The following PCDH15 variants were observed in gnomAD, a reference collection of about 807,000 sequenced individuals.
PCDH15 encodes protocadherin-15.
A neutral mutation model predicts 178.5 loss-of-function variants in PCDH15; 129 were observed. The observed-to-expected ratio is 0.72, with a 90% CI of 0.63 to 0.84. The LOEUF is 0.84. Among genes scored for constraint, PCDH15 ranks in the 40% least tolerant of loss-of-function variants. PCDH15 has a pLI of 0.00. For missense variants in PCDH15, 2,230 were observed against 2,099.9 expected (o/e 1.06, Z -1.21); for synonymous variants, 800 against 732.0 (o/e 1.09, Z -1.50).
At chr10:54,388,660 G>T (rs1481016642) in intron 3 of PCDH15, among the ~76,000 whole-genome samples, 1 of 152,160 alleles carries the variant, frequency 6.6e-6, no homozygotes, top group Non-Finnish European at 1.5e-5. Flanking sequence ...ATTGGATTAA[G>T]CTGTGGTGTG....
chr10:54,202,490 TAAG>T, intron 10 of PCDH15, among the ~76,000 whole-genome samples: 2 of 152,150 alleles, frequency 1.3e-5, no homozygotes, highest in Admixed American at 1.3e-4. Flanking sequence ...CTGATGTACC[TAAG>T]AATAGAATGG....
intron 8 of PCDH15, among the ~76,000 whole-genome samples, chr10:54,259,978 G>A (rs1035881614): frequency 2.0e-5 from 3 of 152,066 alleles, no homozygotes; most frequent in Admixed American, 2.0e-4. Context: ...ATTTTCTGTG[G>A]TAGTAACAGG....
At position 55,454,621 on chromosome 10, in the gene PCDH15, C is replaced by CAAAA. The variant is rs35852490; in HGVS notation, c.-156+173000_-156+173003dup. On this transcript the variant is annotated intron_variant, in intron 2 of 5. Transcript: ENST00000613346. The stretch of plus-strand genomic sequence containing the variant: ...TGAAACCCCGTCTCTACTAAAAATG[C>CAAAA]AAAAAAAAAAAAAATTAGCCGGATG... 3.2e-3 allele frequency among the ~76,000 whole-genome samples: 446 copies of CAAAA among 137,582 alleles called. 2 individuals carry two copies. The highest frequency in any genetic ancestry group is 9.1e-3 in the African/African-American group (336 of 36,812). 90.3% of individuals were successfully genotyped at this position (137,582 alleles called of 152,430 possible).
At chr10:55,497,301 T>C (rs1840555923) in intron 2 of PCDH15, among the ~76,000 whole-genome samples, 1 of 151,688 alleles carries the variant, frequency 6.6e-6, no homozygotes, top group Non-Finnish European at 1.5e-5. Flanking sequence ...GGCTGATTTT[T>C]TTTTTTAATT....
chr10:55,281,446 AT>A lies in PCDH15; in HGVS notation c.-156+38152del, dbSNP rs146977845. Among the ~76,000 whole-genome samples the A allele has an allele frequency of 2.4e-4, 37 of 151,548 alleles. No homozygotes were observed. The East Asian group carries it at 6.4e-3, about 26-fold the overall frequency. The stretch of plus-strand genomic sequence containing the variant: ...TTTTTTTTTTCTTTTTCTTTTTTTA[AT>A]AAAACTCTTACCATCTCCGACATGA... On this transcript the variant is annotated intron_variant, in intron 1 of 5. Transcript: ENST00000458638.
At chr10:54,804,412 T>C (rs1028475213), upstream of PCDH15, among the ~76,000 whole-genome samples, 19 of 152,336 alleles carry the variant, frequency 1.2e-4, no homozygotes, top group African/African-American at 4.6e-4. Flanking sequence ...CATGTCCATA[T>C]TCATAAATAC....
chr10:54,998,076 T>C (rs1273169155), intron 2 of PCDH15, among the ~76,000 whole-genome samples: 1 of 152,092 alleles, frequency 6.6e-6, no homozygotes, highest in African/African-American at 2.4e-5. Context: ...TCATTCTGTA[T>C]ATAAAATGTG....
chr10:54,541,297 T>A (rs113430268), intron 2 of PCDH15, among the ~76,000 whole-genome samples: 13,227 of 152,206 alleles, frequency 0.087, 629 homozygotes, highest in Non-Finnish European at 0.11. Context: ...GGCTTCAGTA[T>A]AGTTTGAGGA....
intron 17 of PCDH15, among the ~76,000 whole-genome samples, chr10:54,077,151 C>T (rs998159313): frequency 6.6e-6 from 1 of 152,072 alleles, no homozygotes; most frequent in Non-Finnish European, 1.5e-5. Flanking sequence ...GCTTTCTACT[C>T]TACTGATATT....
chr10:55,467,779 C>A (rs1040735173), intron 2 of PCDH15, among the ~76,000 whole-genome samples: 1 of 151,566 alleles, frequency 6.6e-6, no homozygotes, highest in Admixed American at 6.6e-5. Flanking sequence ...TCCTCGCTGA[C>A]AGGGTGAAAC....
chr10:55,345,827 T>C (rs1298108934), intron 2 of PCDH15, among the ~76,000 whole-genome samples: 2 of 152,082 alleles, frequency 1.3e-5, no homozygotes, highest in African/African-American at 2.4e-5. Context: ...GTTATACATA[T>C]ATGTAAGTCA....
At chr10:55,513,024 C>T (rs1166415183) in intron 2 of PCDH15, 1 of 152,078 alleles carries the variant, frequency 6.6e-6, no homozygotes, top group African/African-American at 2.4e-5. Context: ...ATATTTGACA[C>T]TTAATAACTT....
chr10:55,582,628 A>ATATC (rs780312007), intron 2 of PCDH15, among the ~76,000 whole-genome samples: 1 of 69,032 alleles, frequency 1.4e-5, no homozygotes, highest in Admixed American at 2.1e-4. Context: ...ATATATATAT[A>ATATC]TTTTTTTTTT....
intron 7 of PCDH15, among the ~76,000 whole-genome samples, chr10:54,327,766 C>T (rs757124262): frequency 1.4e-4 from 22 of 152,008 alleles, no homozygotes; most frequent in Non-Finnish European, 2.4e-4. Flanking sequence ...AAGATTACAA[C>T]GCTTAGGAGT....
At chr10:55,302,003 A>G (rs1247201574) in intron 1 of PCDH15, among the ~76,000 whole-genome samples, 1 of 152,198 alleles carries the variant, frequency 6.6e-6, no homozygotes, top group Non-Finnish European at 1.5e-5. Context: ...AAATTAGACG[A>G]AGTTAGTAGA....
intron 2 of PCDH15, among the ~76,000 whole-genome samples, chr10:55,105,545 C>T (rs1006604934): frequency 3.3e-5 from 5 of 152,164 alleles, no homozygotes; most frequent in Non-Finnish European, 5.9e-5. Flanking sequence ...CGATATTTTA[C>T]GTTTATTTAA....
At chr10:54,578,704 T>G (rs1043410292) in intron 2 of PCDH15, among the ~76,000 whole-genome samples, 4 of 152,106 alleles carry the variant, frequency 2.6e-5, no homozygotes, top group Non-Finnish European at 5.9e-5. Flanking sequence ...ACCCATTTTT[T>G]AGTCCTATTT....
At chr10:55,365,900 T>C (rs962898120) in intron 2 of PCDH15, among the ~76,000 whole-genome samples, 10 of 152,106 alleles carry the variant, frequency 6.6e-5, no homozygotes, top group African/African-American at 2.4e-4. Context: ...TACTTCCCAT[T>C]GTATCCTATC....
intron 3 of PCDH15, among the ~76,000 whole-genome samples, chr10:54,516,436 G>GCA (rs2082228525): frequency 6.6e-6 from 1 of 152,022 alleles, no homozygotes; most frequent in Non-Finnish European, 1.5e-5. Context: ...GAGCCGATGA[G>GCA]ATCAACTGGA....
Sources: gnomAD v4.1 joint callset for allele counts (sites outside exome capture counted in the v4.1 genomes callset) on GRCh38, gnomAD v4.1.1 for gene constraint, MANE v1.5 for transcripts, NCBI Gene and HGNC (gene_info 2026-07-23, HGNC 2026-07-21) for gene names.